HMGN2: variants seen among roughly 807,000 people sequenced by gnomAD.
HMGN2 encodes high mobility group nucleosomal binding domain 2, also known as non-histone chromosomal protein HMG-17.
HMGN2 carries 2 observed loss-of-function variants against 16.9 expected under a neutral mutation model. The observed-to-expected ratio is 0.12, with a 90% CI of 0.05 to 0.37. HMGN2 has a LOEUF of 0.37. Among genes scored for constraint, HMGN2 ranks in the 10% least tolerant of loss-of-function variants. The pLI is 1.00. For synonymous variants in HMGN2, 31 were observed against 34.9 expected (o/e 0.89, Z 0.39); for missense variants, 90 against 106.0 (o/e 0.85, Z 0.66).
rs2075576941 is a variant in HMGN2 at position 26,472,556 on chromosome 1, C to T, written c.-57C>T. The T allele has an allele frequency of 2.6e-6, 4 of 1,534,126 alleles. No individual in the cohort carries two copies. The highest frequency in any genetic ancestry group is 1.2e-5 in the South Asian group (1 of 84,174). On this transcript the variant is annotated 5_prime_UTR_variant, in exon 1 of 6. Coordinates refer to ENST00000361427, the MANE Select transcript of HMGN2 (RefSeq NM_005517.4). Reference sequence around the variant, plus strand: ...CGACCCCCGGACCGACCAAAGCCCGCGCGCCGCTGCATCCCGCGTCCAGCA... The same window carrying T: ...CGACCCCCGGACCGACCAAAGCCCGTGCGCCGCTGCATCCCGCGTCCAGCA...
rs1310750706 is a variant in HMGN2, at chr1:26,475,951, C to A, written c.*803C>A. On this transcript the variant is annotated 3_prime_UTR_variant, in exon 6 of 6. Transcript: ENST00000361427. ...TTTATGGAAAGTATCTTTAATAAAG[C>A]TGGATACAGTTTGGCTTGGAATGCT... 1 of 293,394 alleles carries A rather than the reference C, an allele frequency of 3.4e-6. No homozygotes were observed. Among genetic ancestry groups the A allele is most frequent in the Non-Finnish European group, 6.7e-6 (1 of 149,814 alleles). 18.2% of individuals were successfully genotyped at this position (293,394 alleles called of 1,614,324 possible).
At chr1:26,472,837 C>T (rs1020356654) in intron 1 of HMGN2, among the ~76,000 whole-genome samples, 9 of 151,872 alleles carry the variant, frequency 5.9e-5, no homozygotes, top group Non-Finnish European at 1.2e-4. Context: ...GGAGCGGCGG[C>T]CGCGGCGGGA....
At chr1:26,473,082 G>C (rs983072614) in intron 1 of HMGN2, 4 of 239,190 alleles carry the variant, frequency 1.7e-5, no homozygotes, top group Non-Finnish European at 3.2e-5. Flanking sequence ...CCTCGCCCAC[G>C]TTCCCCGCGC....
In HMGN2 at chr1:26,475,245, AC is replaced by A; in HGVS notation, c.*98del. 5.0e-6 allele frequency: 4 copies of A among 796,524 alleles called. No homozygotes were observed. Among genetic ancestry groups the A allele is most frequent in the South Asian group, 2.0e-5 (1 of 49,452 alleles). The allele number at this position is 796,524 out of a possible 1,614,324, so 49.3% of individuals were successfully genotyped here. On this transcript the variant is annotated 3_prime_UTR_variant, in exon 6 of 6. Coordinates refer to ENST00000361427, the MANE Select transcript of HMGN2 (RefSeq NM_005517.4). Reference sequence around the variant, plus strand: ...TTATAAAAATGCAGAATTTTGTTTTACTTTTTTTTTTTTTTTAAAAGCTATG... The same window carrying A: ...TTATAAAAATGCAGAATTTTGTTTTATTTTTTTTTTTTTTTAAAAGCTATG...
intron 1 of HMGN2, 32 bp downstream of exon 1, chr1:26,472,659 C>G: frequency 1.3e-6 from 2 of 1,520,818 alleles, no homozygotes; most frequent in Non-Finnish European, 1.8e-6. Context: ...GGCGCCGGGC[C>G]ACCACTGCCG....
chr1:26,475,035 A>G, intron 5 of HMGN2, 78 bp from the exon 6 acceptor site: 4 of 1,196,568 alleles, frequency 3.3e-6, no homozygotes, highest in African/African-American at 3.0e-5. Flanking sequence ...CTGGGAGCAA[A>G]GTGATGCTGT....
At chr1:26,473,273 T>G (rs1283405921) in intron 1 of HMGN2, 2 of 577,568 alleles carry the variant, frequency 3.5e-6, no homozygotes, top group Non-Finnish European at 6.1e-6. Context: ...CCTCCCCGGC[T>G]GCGCTCCGGT....
intron 2 of HMGN2, 25 bp downstream of exon 2, chr1:26,473,552 C>T: frequency 1.9e-6 from 3 of 1,597,340 alleles, no homozygotes; most frequent in Non-Finnish European, 2.6e-6. Flanking sequence ...CTTCAAGGGT[C>T]AAAGCCTTGG....
chr1:26,473,630 T>C (rs2075590191), intron 2 of HMGN2, 73 bp from the exon 3 acceptor site: 1 of 1,568,094 alleles, frequency 6.4e-7, no homozygotes, highest in Admixed American at 1.7e-5. Flanking sequence ...TCCTATAATC[T>C]AGAGCAAATT....
Position 26,472,666 on chromosome 1 carries a change from G to GCCGCCA in HMGN2, c.15+45_15+50dup, listed in dbSNP as rs750887593. The GCCGCCA allele has an allele frequency of 2.2e-5, 32 of 1,483,758 alleles. No individual in the cohort carries two copies. In the Admixed American group the frequency reaches 5.4e-4, roughly 25 times the overall value. 91.9% of individuals were successfully genotyped at this position (1,483,758 alleles called of 1,614,324 possible). On this transcript the variant is annotated intron_variant, in intron 1 of 5. Transcript: ENST00000361427. ...GGGCCCCAGGCGCCGGGCCACCACT[G>GCCGCCA]CCGCCACCGCCGCCGCCGCCTCCCT...
At chr1:26,473,448 C>G (rs752086404) in intron 1 of HMGN2, 35 bp from the exon 2 acceptor site, 3 of 1,550,084 alleles carry the variant, frequency 1.9e-6, no homozygotes, top group Middle Eastern at 3.4e-4. Context: ...AGAACCACCT[C>G]AAAATCTGCA....
chr1:26,472,521 G>A lies in HMGN2; in HGVS notation c.-92G>A, dbSNP rs921992927. On this transcript the variant is annotated 5_prime_UTR_variant, in exon 1 of 6. Coordinates refer to ENST00000361427, the MANE Select transcript of HMGN2 (RefSeq NM_005517.4). ...CCCGGAGCCCGAGCAGTGTGAAGAA[G>A]AGGCGAGAACGACCCCCGGACCGAC... The A allele has an allele frequency of 1.4e-6, 2 of 1,447,562 alleles. No individual in the cohort carries two copies. The allele number at this position is 1,447,562 out of a possible 1,614,324, so 89.7% of individuals were successfully genotyped here.
intron 2 of HMGN2, 51 bp from the exon 3 acceptor site, chr1:26,473,652 T>G: frequency 6.2e-7 from 1 of 1,605,322 alleles, no homozygotes; most frequent in Non-Finnish European, 8.5e-7. Flanking sequence ...ATACCAAACT[T>G]TCAAAGCGAC....
chr1:26,474,320 A>G (rs1420768689), intron 4 of HMGN2, among the ~76,000 whole-genome samples, 185 bp downstream of exon 4: 1 of 152,210 alleles, frequency 6.6e-6, no homozygotes. Context: ...TTATAGGAAA[A>G]TCTGCATTTA....
Position 26,472,505 on chromosome 1 carries a change from C to T in HMGN2, c.-108C>T. Reference sequence around the variant, plus strand: ...AAAACTTTATAAACCCCCCGGAGCCCGAGCAGTGTGAAGAAGAGGCGAGAA... The same window carrying T: ...AAAACTTTATAAACCCCCCGGAGCCTGAGCAGTGTGAAGAAGAGGCGAGAA... On this transcript the variant is annotated 5_prime_UTR_variant, in exon 1 of 6. Transcript: ENST00000361427. The T allele has an allele frequency of 6.0e-6, 8 of 1,325,758 alleles. No individual in the cohort carries two copies. The highest frequency in any genetic ancestry group is 1.5e-5 in the African/African-American group (1 of 68,432). 82.1% of individuals were successfully genotyped at this position (1,325,758 alleles called of 1,614,324 possible).
chr1:26,472,663 A>C, intron 1 of HMGN2, 36 bp downstream of exon 1: 1 of 1,505,814 alleles, frequency 6.6e-7, no homozygotes, highest in Non-Finnish European at 8.9e-7. Flanking sequence ...CCGGGCCACC[A>C]CTGCCGCCAC....
In HMGN2 at chr1:26,472,543, C is replaced by T. The variant is rs1454111357; in HGVS notation, c.-70C>T. On this transcript the variant is annotated 5_prime_UTR_variant, in exon 1 of 6. Coordinates refer to ENST00000361427, the MANE Select transcript of HMGN2 (RefSeq NM_005517.4). ...GAAGAGGCGAGAACGACCCCCGGACCGACCAAAGCCCGCGCGCCGCTGCAT... is the reference window on the plus strand; with the variant it reads ...GAAGAGGCGAGAACGACCCCCGGACTGACCAAAGCCCGCGCGCCGCTGCAT... The T allele has an allele frequency of 2.6e-6, 4 of 1,530,168 alleles. No homozygotes were observed. The South Asian group carries it at 4.8e-5, about 18-fold the overall frequency. 94.8% of individuals were successfully genotyped at this position (1,530,168 alleles called of 1,614,324 possible).
intron 3 of HMGN2, 27 bp from the exon 4 acceptor site, chr1:26,474,058 T>A (rs1162873315): frequency 1.8e-5 from 29 of 1,601,674 alleles, no homozygotes; most frequent in Non-Finnish European, 2.4e-5. Context: ...TGATGTTCAC[T>A]TTTTCCTCTC....
At chr1:26,473,803 C>T in intron 3 of HMGN2, 71 bp downstream of exon 3, 1 of 1,456,642 alleles carries the variant, frequency 6.9e-7, no homozygotes, top group Admixed American at 1.7e-5. Flanking sequence ...ATTCCCTTTG[C>T]TTCCATGAAT....
Sources: gnomAD v4.1 joint callset for allele counts (sites outside exome capture counted in the v4.1 genomes callset) on GRCh38, gnomAD v4.1.1 for gene constraint, MANE v1.5 for transcripts, NCBI Gene and HGNC (gene_info 2026-07-23, HGNC 2026-07-21) for gene names.